IL10: variants seen among roughly 807,000 people sequenced by gnomAD.
The protein encoded by IL10 is interleukin 10.
In IL10, 7 loss-of-function variants were observed where a neutral mutation model predicts 21.0. The observed-to-expected ratio is 0.33, with a 90% CI of 0.19 to 0.63. The LOEUF (loss-of-function observed/expected upper bound fraction) is 0.63. Ranked by LOEUF, IL10 falls within the 20% of genes least tolerant of loss-of-function variation. The pLI, the probability that IL10 is intolerant of heterozygous loss-of-function variation, is 0.77. For missense variants in IL10, 161 were observed against 213.0 expected (o/e 0.76, Z 1.52); for synonymous variants, 83 against 79.7 (o/e 1.04, Z -0.22).
At chr1:206,770,417 G>T in intron 3 of IL10, 1 of 271,414 alleles carries the variant, frequency 3.7e-6, no homozygotes, top group Non-Finnish European at 7.2e-6. Flanking sequence ...ATTACTCATA[G>T]ACACTAGCCT....
rs879722125 is a variant in IL10, at chr1:206,767,751, A to G, written c.*885T>C. 6.6e-6 allele frequency: 1 copy of G among 152,278 alleles called. No individual in the cohort carries two copies. Among genetic ancestry groups the G allele is most frequent in the Non-Finnish European group, 1.5e-5 (1 of 68,094 alleles). The allele number at this position is 152,278 out of a possible 1,614,324, so 9.4% of individuals were successfully genotyped here. ...TTTATTTTTATTTTTATTTTTTGAGACAGAGTCTTGCTCTGTCACCCAGGC... is the reference window on the plus strand; with the variant it reads ...TTTATTTTTATTTTTATTTTTTGAGGCAGAGTCTTGCTCTGTCACCCAGGC... On this transcript the variant is annotated 3_prime_UTR_variant, in exon 5 of 5. Coordinates refer to ENST00000423557, the MANE Select transcript of IL10 (RefSeq NM_000572.3).
chr1:206,768,740 G>C lies in IL10; in HGVS notation c.445-12C>G. ...CCTTTCTCTTGGAGCTGTGCAGAGA[G>C]ATAAGAAACATACAGTTAAAATCCT... On this transcript the variant is annotated splice_polypyrimidine_tract_variant and intron_variant, in intron 4 of 4. Transcript: ENST00000423557. The C allele has an allele frequency of 1.9e-6, 3 of 1,548,654 alleles. No homozygotes were observed. Among genetic ancestry groups the C allele is most frequent in the South Asian group, 1.1e-5 (1 of 89,566 alleles).
Position 206,768,624 on chromosome 1 carries a change from C to T in IL10, c.*12G>A. 1.3e-6 allele frequency: 2 copies of T among 1,513,674 alleles called. No individual in the cohort carries two copies. Among genetic ancestry groups the T allele is most frequent in the Non-Finnish European group, 1.8e-6 (2 of 1,088,618 alleles). The allele number at this position is 1,513,674 out of a possible 1,614,324, so 93.8% of individuals were successfully genotyped here. ...TATGTCCTAGAGTCTATAGAGTCGC[C>T]ACCCTGATGTCTCAGTTTCGTATCT... On this transcript the variant is annotated 3_prime_UTR_variant, in exon 5 of 5. Transcript: ENST00000423557.
Position 206,768,650 on chromosome 1 carries a change from T to C in IL10, c.523A>G (p.Lys175Glu), listed in dbSNP as rs775882367. ...ACCCTGATGTCTCAGTTTCGTATCTTCATTGTCATGTAGGCTTCTATGTAG... is the reference window on the plus strand; with the variant it reads ...ACCCTGATGTCTCAGTTTCGTATCTCCATTGTCATGTAGGCTTCTATGTAG... ...INYIEAYMTM[K>E]IRN The change falls in exon 5 of 5, where the codon AAG becomes GAG. Residue 175 changes from lysine (K) to glutamate (E), a missense_variant. Coordinates refer to ENST00000423557, the MANE Select transcript of IL10 (RefSeq NM_000572.3). 6.3e-7 allele frequency: 1 copy of C among 1,599,806 alleles called. No individual in the cohort carries two copies. The highest frequency in any genetic ancestry group is 8.6e-7 in the Non-Finnish European group (1 of 1,166,944).
rs551418281 is a variant in IL10, at chr1:206,769,603, C to T, written c.444+226G>A. ...AGCCTAACCCGCAAGCCTGCAAAGG[C>T]AGCGAGCAGTCATTTAGAAACCCCC... On this transcript the variant is annotated intron_variant, in intron 4 of 4. Coordinates refer to ENST00000423557, the MANE Select transcript of IL10 (RefSeq NM_000572.3). 34 of 603,936 alleles carry T rather than the reference C, an allele frequency of 5.6e-5. 1 individual carries two copies. In the East Asian group the frequency reaches 8.7e-4, roughly 15 times the overall value. The allele number at this position is 603,936 out of a possible 1,614,324, so 37.4% of individuals were successfully genotyped here.
chr1:206,768,826 A>G (rs1040379547), intron 4 of IL10, 98 bp from the exon 5 acceptor site: 4 of 767,038 alleles, frequency 5.2e-6, no homozygotes, highest in Non-Finnish European at 9.3e-6. Flanking sequence ...CCTTGAGTGC[A>G]GAGGTTGCTT....
At position 206,768,524 on chromosome 1, in the gene IL10, A is replaced by C. The variant is rs1405560104; in HGVS notation, c.*112T>G. 4.3e-6 allele frequency: 3 copies of C among 703,434 alleles called. No homozygotes were observed. Among genetic ancestry groups the C allele is most frequent in the Non-Finnish European group, 7.9e-6 (3 of 382,152 alleles). 43.6% of individuals were successfully genotyped at this position (703,434 alleles called of 1,614,324 possible). ...AGAGGTAATAAATATTCTATAAGAG[A>C]GGTACAATAAGGTTTCTCAAGGGGC... On this transcript the variant is annotated 3_prime_UTR_variant, in exon 5 of 5. Coordinates refer to ENST00000423557, the MANE Select transcript of IL10 (RefSeq NM_000572.3).
At chr1:206,771,843 G>A (rs182562553) in intron 1 of IL10, among the ~76,000 whole-genome samples, 104 of 152,300 alleles carry the variant, frequency 6.8e-4, no homozygotes, top group African/African-American at 2.3e-3. Context: ...TCTAATGCAG[G>A]TTTCCCTCAT....
Position 206,768,192 on chromosome 1 carries a change from A to G in IL10, c.*444T>C, listed in dbSNP as rs1198647169. On this transcript the variant is annotated 3_prime_UTR_variant, in exon 5 of 5. Coordinates refer to ENST00000423557, the MANE Select transcript of IL10 (RefSeq NM_000572.3). ...CTTCCTAAGAGTATTTGTAGCAGTT[A>G]GGAAGCCCCAAGCCCAGAGACAAGA... 3 of 246,734 alleles carry G rather than the reference A, an allele frequency of 1.2e-5. No individual in the cohort carries two copies. The highest frequency in any genetic ancestry group is 2.4e-5 in the Non-Finnish European group (3 of 127,038). The allele number at this position is 246,734 out of a possible 1,614,324, so 15.3% of individuals were successfully genotyped here.
At position 206,770,976 on chromosome 1, in the gene IL10, T is replaced by C. The variant is rs987614203; in HGVS notation, c.309A>G (p.Pro103=). The change falls in exon 3 of 5, where the codon CCA becomes CCG. Residue 103 remains proline, a synonymous_variant. Coordinates refer to ENST00000423557, the MANE Select transcript of IL10 (RefSeq NM_000572.3). ...GGGAGTTCACATGCGCCTTGATGTC[T>C]GGGTCTTGGTTCTCAGCTTGGGGCA... ...EVMPQAENQD[P]DIKAHVNSLG... 6 of 1,614,070 alleles carry C rather than the reference T, an allele frequency of 3.7e-6. No individual in the cohort carries two copies. The Admixed American group carries it at 1.0e-4, about 27-fold the overall frequency.
intron 3 of IL10, chr1:206,770,454 C>G (rs1190252685): frequency 3.8e-6 from 1 of 259,772 alleles, no homozygotes; most frequent in Non-Finnish European, 7.6e-6. Flanking sequence ...CTTGTCCCTT[C>G]TAAAATGCCA....
chr1:206,771,978 C>G (rs1267470940), intron 1 of IL10, among the ~76,000 whole-genome samples: 1 of 152,242 alleles, frequency 6.6e-6, no homozygotes, highest in Non-Finnish European at 1.5e-5. Context: ...TTCTTTACTT[C>G]TCCTAGCCAA....
chr1:206,768,795 C>G, intron 4 of IL10, 67 bp from the exon 5 acceptor site: 1 of 935,334 alleles, frequency 1.1e-6, no homozygotes, highest in Non-Finnish European at 1.8e-6. Flanking sequence ...TCCCCTCCCT[C>G]ATGCTCATGG....
chr1:206,772,428 C>T lies in IL10; in HGVS notation c.8G>A (p.Ser3Asn). The T allele has an allele frequency of 6.2e-7, 1 of 1,614,082 alleles. No homozygotes were observed. Among genetic ancestry groups the T allele is most frequent in the South Asian group, 1.1e-5 (1 of 91,072 alleles). The change falls in exon 1 of 5, where the codon AGC becomes AAC. Residue 3 changes from serine (S) to asparagine (N), a missense_variant. Transcript: ENST00000423557. MH[S>N]SALLCCLVLL... ...GACCAGGCAACAGAGCAGTGCTGAG[C>T]TGTGCATGCCTTCTTTTGCAAGTCT...
chr1:206,769,743 A>G (rs1674765141), intron 4 of IL10, 86 bp downstream of exon 4: 1 of 1,026,226 alleles, frequency 9.7e-7, no homozygotes, highest in African/African-American at 1.6e-5. Context: ...GGGCCTATTG[A>G]GTCCCCACCA....
rs774794282 is a variant in IL10, at chr1:206,772,304, G to C, written c.132C>G (p.Leu44=). The C allele has an allele frequency of 1.2e-6, 2 of 1,614,094 alleles. No homozygotes were observed. Among genetic ancestry groups the C allele is most frequent in the Non-Finnish European group, 1.7e-6 (2 of 1,180,030 alleles). Residue 44 remains leucine (L), a synonymous_variant, in exon 1 of 5, where the codon CTC becomes CTG. Coordinates refer to ENST00000423557, the MANE Select transcript of IL10 (RefSeq NM_000572.3). ...TCTTCACTCTGCTGAAGGCATCTCG[G>C]AGATCTCGAAGCATGTTAGGCAGGT... is the stretch of plus-strand genomic sequence containing the variant. ...PGNLPNMLRD[L]RDAFSRVKTF...
intron 3 of IL10, chr1:206,770,706 T>C: frequency 1.7e-6 from 1 of 603,464 alleles, no homozygotes; most frequent in South Asian, 2.0e-5. Flanking sequence ...AAATTTCACA[T>C]GTAAATGCCT....
At position 206,768,585 on chromosome 1, in the gene IL10, G is replaced by T; in HGVS notation, c.*51C>A. 9.5e-7 allele frequency: 1 copy of T among 1,057,278 alleles called. No homozygotes were observed. The highest frequency in any genetic ancestry group is 1.5e-6 in the Non-Finnish European group (1 of 675,238). The allele number at this position is 1,057,278 out of a possible 1,614,324, so 65.5% of individuals were successfully genotyped here. A position where few individuals can be genotyped will look rare whatever the true frequency, so the allele number is the denominator to read the frequency against. On this transcript the variant is annotated 3_prime_UTR_variant, in exon 5 of 5. Transcript: ENST00000423557. Reference sequence around the variant, plus strand: ...ATCCCAGAGCCCCAGATCCGATTTTGGAGACCTCTAATTTATGTCCTAGAG... The same window carrying T: ...ATCCCAGAGCCCCAGATCCGATTTTTGAGACCTCTAATTTATGTCCTAGAG...
intron 4 of IL10, chr1:206,769,545 A>G: frequency 1.8e-6 from 1 of 544,096 alleles, no homozygotes; most frequent in East Asian, 3.1e-5. Flanking sequence ...TCTCCCCAGC[A>G]TGCAGCTCAC....
Sources: allele counts gnomAD v4.1 joint callset (sites outside exome capture counted in the v4.1 genomes callset), GRCh38; gene constraint gnomAD v4.1.1; transcripts MANE v1.5; gene names NCBI Gene and HGNC (gene_info 2026-07-23, HGNC 2026-07-21).